The following IDO2 variants were observed in gnomAD, a reference collection of about 807,000 sequenced individuals.
IDO2 encodes the protein indoleamine 2,3-dioxygenase-like 1 protein.
A neutral mutation model predicts 45.1 loss-of-function variants in IDO2; 46 were observed. The ratio of observed to expected loss-of-function variants is 1.02; its 90% CI spans 0.80 to 1.30. The LOEUF is 1.30. IDO2 is among the 50% of genes most tolerant of loss of function. The pLI, the probability that IDO2 is intolerant of heterozygous loss-of-function variation, is 0.00. For missense variants in IDO2, 544 were observed against 491.8 expected (o/e 1.11, Z -1.00); for synonymous variants, 218 against 184.9 (o/e 1.18, Z -1.45).
In IDO2 at chr8:39,991,565, C is replaced by CTT. The variant is rs61354300; in HGVS notation, c.667+1747_667+1748dup. On this transcript the variant is annotated intron_variant, in intron 8 of 10. Transcript: ENST00000502986. ...CTAGGGCTCACTTTCAGACTCACTT[C>CTT]TTTTTTTTTTTTTTTTTTTTTGTGA... Among the ~76,000 whole-genome samples the CTT allele has an allele frequency of 5.4e-3, 562 of 103,288 alleles. 4 individuals are homozygous for CTT. The highest frequency in any genetic ancestry group is 8.8e-3 in the South Asian group (26 of 2,950). 67.8% of individuals were successfully genotyped at this position (103,288 alleles called of 152,430 possible).
At chr8:39,953,679 C>T (rs1807845110) in intron 2 of IDO2, among the ~76,000 whole-genome samples, 1 of 152,196 alleles carries the variant, frequency 6.6e-6, no homozygotes, top group Non-Finnish European at 1.5e-5. Context: ...TCTCCTGCCT[C>T]AGCCTCCTGA....
intron 1 of IDO2, among the ~76,000 whole-genome samples, chr8:39,944,339 TAC>T (rs1807700459): frequency 1.3e-5 from 2 of 152,192 alleles, no homozygotes; most frequent in African/African-American, 4.8e-5. Context: ...AACTCAGGAC[TAC>T]CACAATGTGA....
intron 1 of IDO2, among the ~76,000 whole-genome samples, chr8:39,948,070 G>A (rs769317893): frequency 7.4e-4 from 112 of 151,956 alleles, no homozygotes; most frequent in Admixed American, 4.2e-3. Flanking sequence ...CCAAAGTGGC[G>A]TGAGCCACTG....
At chr8:40,008,147 A>G (rs541838827) in intron 9 of IDO2, among the ~76,000 whole-genome samples, 2 of 151,144 alleles carry the variant, frequency 1.3e-5, no homozygotes, top group East Asian at 3.9e-4. Flanking sequence ...CCCGGGTTCA[A>G]GTGATTCTCC....
intron 4 of IDO2, among the ~76,000 whole-genome samples, chr8:39,979,701 A>G (rs1281860630): frequency 6.6e-6 from 1 of 152,146 alleles, no homozygotes; most frequent in Admixed American, 6.5e-5. Flanking sequence ...TTTTCTGACT[A>G]AGAGCTAATT....
intron 1 of IDO2, among the ~76,000 whole-genome samples, chr8:39,947,171 C>CAAAAAAAAAAAAAA (rs55785952): frequency 1.2e-5 from 1 of 80,038 alleles, no homozygotes; most frequent in Non-Finnish European, 2.3e-5. Context: ...GCTAAGGTAT[C>CAAAAAAAAAAAAAA]AAAAAAAAAA....
chr8:40,007,459 G>A (rs1802240676), intron 9 of IDO2, among the ~76,000 whole-genome samples: 1 of 152,044 alleles, frequency 6.6e-6, no homozygotes, highest in African/African-American at 2.4e-5. Context: ...TGGTTTATGG[G>A]GGAAAGGGAA....
intron 3 of IDO2, among the ~76,000 whole-genome samples, chr8:39,971,329 A>G (rs1808176547): frequency 1.3e-5 from 2 of 152,208 alleles, no homozygotes; most frequent in African/African-American, 4.8e-5. Context: ...CTGCTCAGAA[A>G]AAAATATTCC....
intron 3 of IDO2, 66 bp downstream of exon 3, chr8:39,963,769 C>T (rs1808036361): frequency 1.1e-6 from 1 of 930,220 alleles, no homozygotes; most frequent in Non-Finnish European, 1.7e-6. Flanking sequence ...CTTTCTTAGC[C>T]TTGTGGAAGT....
exon 11 of IDO2, chr8:40,015,907 A>T (rs1244529488): frequency 2.8e-6 from 1 of 361,090 alleles, no homozygotes; most frequent in Non-Finnish European, 4.9e-6. Flanking sequence ...TAGAAAACCA[A>T]TCTAAATGTC....
intron 3 of IDO2, among the ~76,000 whole-genome samples, chr8:39,974,632 A>G (rs1454116267): frequency 1.3e-5 from 2 of 152,070 alleles, no homozygotes; most frequent in Admixed American, 6.6e-5. Context: ...AAAATACACA[A>G]AATTGGCTGG....
At chr8:39,987,878 G>A (rs761409057) in exon 7 of IDO2, 1 of 1,604,448 alleles carries the variant, frequency 6.2e-7, no homozygotes, top group African/African-American at 1.3e-5. Flanking sequence ...AAGGAACCTG[G>A]AGACCATCAT....
intron 8 of IDO2, among the ~76,000 whole-genome samples, chr8:39,993,460 C>T (rs1156288748): frequency 1.3e-5 from 2 of 152,100 alleles, no homozygotes; most frequent in African/African-American, 4.8e-5. Flanking sequence ...GGGTTTCTTC[C>T]TAACCATTTA....
At chr8:39,952,341 A>C (rs1347781976) in intron 2 of IDO2, among the ~76,000 whole-genome samples, 5 of 152,204 alleles carry the variant, frequency 3.3e-5, no homozygotes, top group Non-Finnish European at 7.3e-5. Context: ...GGCCTCACAG[A>C]AGTTCCTTCA....
At chr8:39,959,487 T>C (rs1807961492) in intron 2 of IDO2, among the ~76,000 whole-genome samples, 1 of 11,018 alleles carries the variant, frequency 9.1e-5, no homozygotes, top group African/African-American at 1.3e-4. Context: ...TCATTATGTG[T>C]CTAACCTAGC....
chr8:40,015,414 T>A, exon 11 of IDO2: 1 of 1,613,934 alleles, frequency 6.2e-7, no homozygotes, highest in Non-Finnish European at 8.5e-7. Flanking sequence ...GCTGCGGAGC[T>A]ATCACATCAC....
At chr8:39,981,411 C>T (rs959753560) in intron 4 of IDO2, among the ~76,000 whole-genome samples, 1 of 152,078 alleles carries the variant, frequency 6.6e-6, no homozygotes, top group Non-Finnish European at 1.5e-5. Flanking sequence ...CTAGGCACGT[C>T]CCAGTGGGTC....
intron 3 of IDO2, among the ~76,000 whole-genome samples, chr8:39,971,129 G>A (rs1391647735): frequency 6.6e-6 from 1 of 152,154 alleles, no homozygotes; most frequent in Non-Finnish European, 1.5e-5. Context: ...TCTCTTGTTA[G>A]GGGCTAGTGC....
chr8:39,979,777 G>T (rs575431137), intron 4 of IDO2, among the ~76,000 whole-genome samples: 2 of 151,864 alleles, frequency 1.3e-5, no homozygotes, highest in South Asian at 4.2e-4. Context: ...GTTTGTTTTT[G>T]GCACTCTCTT....
Sources: gnomAD v4.1 joint callset for allele counts (sites outside exome capture counted in the v4.1 genomes callset) on GRCh38, gnomAD v4.1.1 for gene constraint, MANE v1.5 for transcripts, NCBI Gene and HGNC (gene_info 2026-07-23, HGNC 2026-07-21) for gene names.